MYRIP: variants seen among roughly 807,000 people sequenced by gnomAD.
MYRIP encodes myosin VIIA and Rab interacting protein, also known as rab effector MyRIP.
MYRIP carries 49 observed loss-of-function variants against 98.0 expected under a neutral mutation model. That is an observed-to-expected ratio of 0.50 (90% CI 0.40 to 0.63). The LOEUF is 0.63. Ranked by LOEUF, MYRIP falls within the 30% of genes least tolerant of loss-of-function variation. The probability of loss-of-function intolerance (pLI) is 0.00; values close to 1 mark genes in which losing one functional copy is unlikely to be tolerated. For missense variants in MYRIP, 1,004 were observed against 1,058.2 expected (o/e 0.95, Z 0.71); for synonymous variants, 404 against 409.5 (o/e 0.99, Z 0.16).
chr3:39,895,004 G>A (rs1475933860), intron 1 of MYRIP, among the ~76,000 whole-genome samples: 2 of 152,094 alleles, frequency 1.3e-5, no homozygotes, highest in African/African-American at 2.4e-5. Context: ...GCAGCATTTG[G>A]TTATTAATGA....
At chr3:40,024,645 G>A (rs972053959) in intron 2 of MYRIP, among the ~76,000 whole-genome samples, 11 of 151,918 alleles carry the variant, frequency 7.2e-5, no homozygotes, top group Middle Eastern at 3.4e-3. Flanking sequence ...GGTATAATAC[G>A]AGTGTACAGT....
intron 9 of MYRIP, among the ~76,000 whole-genome samples, chr3:40,188,313 A>G (rs1019246443): frequency 6.6e-6 from 1 of 152,210 alleles, no homozygotes; most frequent in African/African-American, 2.4e-5. Context: ...TTTAACTAGC[A>G]TAAAGTAAGA....
At chr3:40,212,014 C>T (rs1951944693) in intron 11 of MYRIP, among the ~76,000 whole-genome samples, 1 of 151,312 alleles carries the variant, frequency 6.6e-6, no homozygotes, top group South Asian at 2.1e-4. Flanking sequence ...GTCTTGCCTT[C>T]CTAGTCTTCC....
chr3:39,889,775 G>A (rs1943433780), intron 1 of MYRIP, among the ~76,000 whole-genome samples: 1 of 152,094 alleles, frequency 6.6e-6, no homozygotes, highest in Admixed American at 6.6e-5. Flanking sequence ...TTTATTCAGT[G>A]TTTTTAATGA....
At chr3:39,825,498 T>G (rs1048349442) in intron 1 of MYRIP, among the ~76,000 whole-genome samples, 21 of 152,356 alleles carry the variant, frequency 1.4e-4, no homozygotes, top group African/African-American at 4.8e-4. Flanking sequence ...TTGCATTTAT[T>G]GATTTGCAGG....
At chr3:39,881,064 G>A (rs567210712) in intron 1 of MYRIP, among the ~76,000 whole-genome samples, 2 of 151,774 alleles carry the variant, frequency 1.3e-5, no homozygotes, top group Admixed American at 6.6e-5. Context: ...TTGTCATTAT[G>A]TTTTCAACTT....
chr3:39,815,890 T>G (rs547982542), intron 1 of MYRIP, among the ~76,000 whole-genome samples: 1 of 150,894 alleles, frequency 6.6e-6, no homozygotes, highest in South Asian at 2.1e-4. Flanking sequence ...TAATAGCGTT[T>G]TTTTTTTTTT....
At chr3:40,230,836 G>GT (rs998758108) in intron 11 of MYRIP, among the ~76,000 whole-genome samples, 12 of 117,842 alleles carry the variant, frequency 1.0e-4, no homozygotes, top group East Asian at 9.5e-4. Flanking sequence ...TTTTTTTTTT[G>GT]TTTTTTTTAG....
chr3:40,189,850 C>G lies in MYRIP; in HGVS notation c.1052C>G (p.Pro351Arg). Residue 351 changes from proline (P) to arginine (R), a missense_variant, in exon 10 of 17, where the codon CCC (proline) becomes CGC (arginine). By Grantham distance (103) the Pro-to-Arg change is moderately radical (BLOSUM62 -2). Transcript: ENST00000302541. The part of the protein sequence containing the change: ...ETNLAPVLQS[P>R]DGNWVALKDG... ...GACCTGGCCCCAGTTTTGCAGAGCC[C>G]CGACGGGAACTGGGTGGCCCTGAAG... 1 of 1,613,088 alleles carries G rather than the reference C, an allele frequency of 6.2e-7. No individual in the cohort carries two copies. Among genetic ancestry groups the G allele is most frequent in the Non-Finnish European group, 8.5e-7 (1 of 1,179,564 alleles).
At chr3:40,225,182 G>C (rs933904479) in intron 11 of MYRIP, among the ~76,000 whole-genome samples, 7 of 152,178 alleles carry the variant, frequency 4.6e-5, no homozygotes, top group Admixed American at 2.6e-4. Context: ...GTGATGAGCG[G>C]ACTGGGAGTC....
chr3:40,157,673 T>A (rs1173076699), intron 4 of MYRIP, among the ~76,000 whole-genome samples: 12 of 150,288 alleles, frequency 8.0e-5, no homozygotes, highest in Admixed American at 8.0e-4. Flanking sequence ...CAATTTCAGA[T>A]CCTGTTATTG....
chr3:40,074,819 C>G (rs961509915), intron 3 of MYRIP, among the ~76,000 whole-genome samples: 2 of 152,092 alleles, frequency 1.3e-5, no homozygotes, highest in African/African-American at 4.8e-5. Flanking sequence ...TAACAAACAC[C>G]TTACCAAAGA....
At chr3:39,846,805 G>T (rs1420952780) in intron 1 of MYRIP, among the ~76,000 whole-genome samples, 1 of 152,096 alleles carries the variant, frequency 6.6e-6, no homozygotes, top group Non-Finnish European at 1.5e-5. Flanking sequence ...ATTGAGGTTG[G>T]TGAGTCCAGC....
At chr3:40,088,234 T>C (rs1948668884) in intron 3 of MYRIP, among the ~76,000 whole-genome samples, 1 of 152,170 alleles carries the variant, frequency 6.6e-6, no homozygotes, top group Non-Finnish European at 1.5e-5. Context: ...TTTACTAGTC[T>C]CCAAACCTCA....
chr3:39,992,926 C>T (rs562432946), intron 2 of MYRIP, among the ~76,000 whole-genome samples: 1 of 152,182 alleles, frequency 6.6e-6, no homozygotes, highest in South Asian at 2.1e-4. Flanking sequence ...TCAGGGACCC[C>T]TTCTTGTTCT....
chr3:40,106,744 A>G (rs1213799271), intron 3 of MYRIP, among the ~76,000 whole-genome samples: 1 of 151,946 alleles, frequency 6.6e-6, no homozygotes, highest in African/African-American at 2.4e-5. Context: ...TTTGTTATTC[A>G]GCCTATTATA....
At chr3:39,821,975 T>G (rs2125573555) in intron 1 of MYRIP, among the ~76,000 whole-genome samples, 1 of 152,304 alleles carries the variant, frequency 6.6e-6, no homozygotes, top group Non-Finnish European at 1.5e-5. Flanking sequence ...TTAACTGATT[T>G]TTTGCAGTTT....
intron 1 of MYRIP, among the ~76,000 whole-genome samples, chr3:39,821,931 CTTAG>C (rs1361054183): frequency 4.6e-5 from 7 of 152,010 alleles, no homozygotes; most frequent in Non-Finnish European, 1.0e-4. Flanking sequence ...ATTAGCTGAA[CTTAG>C]TTAATTATGT....
At chr3:39,891,683 T>A (rs1276818671) in intron 1 of MYRIP, among the ~76,000 whole-genome samples, 11 of 152,282 alleles carry the variant, frequency 7.2e-5, no homozygotes, top group Non-Finnish European at 1.3e-4. Context: ...AGGAGCTAAT[T>A]TCCCTACATC....
Sources: gnomAD v4.1 joint callset for allele counts (sites outside exome capture counted in the v4.1 genomes callset) on GRCh38, gnomAD v4.1.1 for gene constraint, MANE v1.5 for transcripts, NCBI Gene and HGNC (gene_info 2026-07-23, HGNC 2026-07-21) for gene names.